BTG4: variants seen among roughly 807,000 people sequenced by gnomAD.
BTG4 encodes BTG anti-proliferation factor 4.
Under a neutral mutation model 19.3 loss-of-function variants are expected in BTG4, and 10 were observed. The ratio of observed to expected loss-of-function variants is 0.52; its 90% CI spans 0.32 to 0.88. The LOEUF (loss-of-function observed/expected upper bound fraction) is 0.88. BTG4 is among the 40% of genes least tolerant of loss of function. The probability of loss-of-function intolerance (pLI) is 0.04; values close to 1 mark genes in which losing one functional copy is unlikely to be tolerated. For synonymous variants in BTG4, 91 were observed against 95.7 expected (o/e 0.95, Z 0.29); for missense variants, 238 against 281.9 (o/e 0.84, Z 1.11).
At chr11:111,470,773 A>G (rs1271773738) in intron 5 of BTG4, among the ~76,000 whole-genome samples, 1 of 151,948 alleles carries the variant, frequency 6.6e-6, no homozygotes, top group Non-Finnish European at 1.5e-5. Context: ...ATAAAAATAA[A>G]TTAGCCGGGC....
the BTG4 span, among the ~76,000 whole-genome samples, chr11:111,427,871 A>C: frequency 6.6e-6 from 1 of 152,200 alleles, no homozygotes; most frequent in Non-Finnish European, 1.5e-5. Flanking sequence ...ATATGACAAT[A>C]GAGTGACAGA....
chr11:111,513,863 C>T (rs1867116088), upstream of BTG4, among the ~76,000 whole-genome samples: 1 of 151,956 alleles, frequency 6.6e-6, no homozygotes, highest in Admixed American at 6.6e-5. Context: ...AGTAATATTT[C>T]GAAAGAATAA....
At chr11:111,414,827 C>G in the BTG4 span, 8 of 152,226 alleles carry the variant, frequency 5.3e-5, no homozygotes, top group African/African-American at 1.9e-4. Flanking sequence ...GCATGGGCAG[C>G]CAACTTGTAC....
At chr11:111,477,677 T>C (rs1311124399) in intron 5 of BTG4, among the ~76,000 whole-genome samples, 2 of 152,016 alleles carry the variant, frequency 1.3e-5, no homozygotes, top group Non-Finnish European at 2.9e-5. Context: ...GTTCTAAAGA[T>C]TTTCTTTCCC....
the BTG4 span, among the ~76,000 whole-genome samples, chr11:111,441,149 T>C: frequency 1.3e-5 from 2 of 151,650 alleles, no homozygotes; most frequent in Non-Finnish European, 2.9e-5. Context: ...ATTTCAAATG[T>C]TATTATGAAA....
chr11:111,390,901 T>C, the BTG4 span, among the ~76,000 whole-genome samples: 2 of 152,184 alleles, frequency 1.3e-5, no homozygotes, highest in Admixed American at 1.3e-4. Flanking sequence ...TCCAGGCAGA[T>C]TGCTAAGCTG....
chr11:111,488,432 A>G (rs1865198357), intron 5 of BTG4, among the ~76,000 whole-genome samples: 1 of 152,356 alleles, frequency 6.6e-6, no homozygotes, highest in Admixed American at 6.5e-5. Context: ...ATCTCTTGCC[A>G]TATGTAGAAA....
chr11:111,479,889 A>G (rs1232174607), intron 5 of BTG4, among the ~76,000 whole-genome samples: 2 of 152,130 alleles, frequency 1.3e-5, no homozygotes, highest in Non-Finnish European at 2.9e-5. Flanking sequence ...CCAAAATGAA[A>G]TTCTAAAAAG....
the BTG4 span, among the ~76,000 whole-genome samples, chr11:111,419,457 C>T: frequency 1.3e-5 from 2 of 152,234 alleles, no homozygotes; most frequent in African/African-American, 2.4e-5. Flanking sequence ...CCCCACAGCA[C>T]TGGTGCTACC....
intron 1 of BTG4, among the ~76,000 whole-genome samples, chr11:111,502,828 G>T (rs1438776234): frequency 6.6e-6 from 1 of 152,166 alleles, no homozygotes; most frequent in Non-Finnish European, 1.5e-5. Context: ...GCCCAGGCAG[G>T]CCTTGAAAGT....
intron 1 of BTG4, among the ~76,000 whole-genome samples, chr11:111,505,625 G>A (rs191807920): frequency 1.1e-3 from 168 of 151,968 alleles, no homozygotes; most frequent in African/African-American, 3.9e-3. Flanking sequence ...AACGAAGATA[G>A]AGAAATAGGA....
At chr11:111,454,994 A>G in the BTG4 span, 2 of 456,364 alleles carry the variant, frequency 4.4e-6, no homozygotes, top group African/African-American at 4.0e-5. Context: ...CTTCTGGGTG[A>G]AGCCCGTTCT....
chr11:111,422,453 C>T, the BTG4 span, among the ~76,000 whole-genome samples: 1 of 152,214 alleles, frequency 6.6e-6, no homozygotes, highest in Non-Finnish European at 1.5e-5. Flanking sequence ...GTGCTCACCC[C>T]ACCCTGCCAC....
the BTG4 span, among the ~76,000 whole-genome samples, chr11:111,386,591 T>G: frequency 2.6e-4 from 39 of 152,352 alleles, no homozygotes; most frequent in African/African-American, 9.1e-4. Flanking sequence ...GAATCCTGTG[T>G]GTATATACAT....
downstream of BTG4, chr11:111,494,732 C>G (rs544863108): frequency 3.3e-6 from 1 of 303,402 alleles, no homozygotes; most frequent in South Asian, 1.3e-4. Context: ...TTGTGACCAG[C>G]CTTTACAAAG....
intron 5 of BTG4, among the ~76,000 whole-genome samples, chr11:111,485,080 A>G (rs574545783): frequency 6.6e-6 from 1 of 152,304 alleles, no homozygotes; most frequent in Non-Finnish European, 1.5e-5. Flanking sequence ...ATAAATATAT[A>G]TGTACCCAAC....
At chr11:111,436,471 CA>C in the BTG4 span, among the ~76,000 whole-genome samples, 1 of 151,950 alleles carries the variant, frequency 6.6e-6, no homozygotes, top group South Asian at 2.1e-4. Context: ...ACTAAAAATA[CA>C]AAAATTAGCT....
the BTG4 span, among the ~76,000 whole-genome samples, chr11:111,436,537 G>A: frequency 6.6e-6 from 1 of 151,498 alleles, no homozygotes; most frequent in African/African-American, 2.4e-5. Context: ...GAGGCAGAGA[G>A]AATCGCTTGA....
chr11:111,475,278 C>T (rs1864335273), intron 5 of BTG4: 1 of 152,134 alleles, frequency 6.6e-6, no homozygotes, highest in Non-Finnish European at 1.5e-5. Flanking sequence ...ATATTTGCCA[C>T]AGAGGTTGAG....
Sources: gnomAD v4.1 joint callset for allele counts (sites outside exome capture counted in the v4.1 genomes callset) on GRCh38, gnomAD v4.1.1 for gene constraint, MANE v1.5 for transcripts, NCBI Gene and HGNC (gene_info 2026-07-23, HGNC 2026-07-21) for gene names.